Variants in PDCL2 observed in about 807,000 individuals in gnomAD.
PDCL2 encodes the protein phosducin-like protein 2.
PDCL2 carries 23 observed loss-of-function variants against 30.3 expected under a neutral mutation model. The ratio of observed to expected loss-of-function variants is 0.76; its 90% CI spans 0.55 to 1.08. The LOEUF (loss-of-function observed/expected upper bound fraction) is 1.08, where lower values mean the gene tolerates loss of function less well. Ranked by LOEUF, PDCL2 falls within the 50% of genes least tolerant of loss-of-function variation. The pLI is 0.00. For missense variants in PDCL2, 243 were observed against 282.3 expected (o/e 0.86, Z 1.00); for synonymous variants, 68 against 86.2 (o/e 0.79, Z 1.17).
At chr4:55,589,160 G>A (rs1732937969) in intron 1 of PDCL2, among the ~76,000 whole-genome samples, 1 of 152,080 alleles carries the variant, frequency 6.6e-6, no homozygotes, top group Admixed American at 6.6e-5. Context: ...CGCCCAGCCA[G>A]TACGGATGTT....
chr4:55,562,705 A>G lies in PDCL2; in HGVS notation c.363-93T>C, dbSNP rs1292792314. The G allele has an allele frequency of 7.7e-6, 6 of 777,694 alleles. No homozygotes were observed. In the East Asian group the frequency reaches 1.5e-4, roughly 20 times the overall value. 48.2% of individuals were successfully genotyped at this position (777,694 alleles called of 1,614,324 possible). ...TAAAATATCGCCATGGCAAAAATATATCTTAGATTAATATAAAAGCACATT... is the reference window on the plus strand; with the variant it reads ...TAAAATATCGCCATGGCAAAAATATGTCTTAGATTAATATAAAAGCACATT... On this transcript the variant is annotated intron_variant, in intron 4 of 5. Coordinates refer to ENST00000295645, the MANE Select transcript of PDCL2 (RefSeq NM_152401.3).
chr4:55,585,858 T>A lies in PDCL2; in HGVS notation c.7-3621A>T, dbSNP rs143721530. Among the ~76,000 whole-genome samples, 76 of 152,346 alleles carry A rather than the reference T, an allele frequency of 5.0e-4. No individual in the cohort carries two copies. The Middle Eastern group carries it at 0.01, about 20-fold the overall frequency. On this transcript the variant is annotated intron_variant, in intron 1 of 5. Transcript: ENST00000295645. The stretch of plus-strand genomic sequence containing the variant: ...AACTGTTCATATTAATGTCTTACAA[T>A]GCTTTGTATTTCTGTGGTATCAGCT...
At position 55,569,742 on chromosome 4, in the gene PDCL2, A is replaced by G; in HGVS notation, c.338T>C (p.Val113Ala). The change falls in exon 4 of 6, where the codon GTT (valine) becomes GCT (alanine). Residue 113 changes from valine (V) to alanine (A), a missense_variant. Val to Ala is a moderately conservative substitution (Grantham distance 64). Coordinates refer to ENST00000295645, the MANE Select transcript of PDCL2 (RefSeq NM_152401.3). ...CCTTGATCTGTATAGATGAATTATAACCCACACATCTTCTTCTGCATTTGT... is the reference window on the plus strand; with the variant it reads ...CCTTGATCTGTATAGATGAATTATAGCCCACACATCTTCTTCTGCATTTGT... ...EVTNAEEDVWVIIHLYRSSIP... is the reference protein window; with the variant it reads ...EVTNAEEDVWAIIHLYRSSIP... 3 of 1,558,936 alleles carry G rather than the reference A, an allele frequency of 1.9e-6. No individual in the cohort carries two copies. The highest frequency in any genetic ancestry group is 2.6e-6 in the Non-Finnish European group (3 of 1,150,706).
chr4:55,560,744 T>G (rs1294020226), intron 5 of PDCL2, among the ~76,000 whole-genome samples: 1 of 152,138 alleles, frequency 6.6e-6, no homozygotes, highest in Non-Finnish European at 1.5e-5. Flanking sequence ...GTGATGGTAT[T>G]AAGAGGTGGG....
At chr4:55,562,864 T>C (rs1319552694) in intron 4 of PDCL2, among the ~76,000 whole-genome samples, 1 of 148,266 alleles carries the variant, frequency 6.7e-6, no homozygotes, top group Non-Finnish European at 1.5e-5. Flanking sequence ...TTAGGGAAAC[T>C]ACATTCAACT....
At position 55,592,236 on chromosome 4, in the gene PDCL2, G is replaced by C; in HGVS notation, c.-127C>G. ...TCAGGCCCGGCGGTTTCGAGTGACC[G>C]CCAGAAGAGGGAGAGGCGAACAAGG... On this transcript the variant is annotated 5_prime_UTR_variant, in exon 1 of 6. Transcript: ENST00000295645. 8 of 1,363,888 alleles carry C rather than the reference G, an allele frequency of 5.9e-6. No individual in the cohort carries two copies. In the South Asian group the frequency reaches 1.0e-4, roughly 18 times the overall value. The allele number at this position is 1,363,888 out of a possible 1,614,324, so 84.5% of individuals were successfully genotyped here.
intron 1 of PDCL2, among the ~76,000 whole-genome samples, chr4:55,583,456 C>A (rs1297194520): frequency 6.6e-6 from 1 of 152,066 alleles, no homozygotes; most frequent in Non-Finnish European, 1.5e-5. Context: ...GTTGACTGAG[C>A]TTGGGGGATT....
At chr4:55,564,213 G>C (rs1282906262) in intron 4 of PDCL2, among the ~76,000 whole-genome samples, 1 of 152,206 alleles carries the variant, frequency 6.6e-6, no homozygotes, top group East Asian at 1.9e-4. Flanking sequence ...CTCAGTCAGT[G>C]GTACAACAGA....
chr4:55,579,606 C>T (rs74646452), intron 3 of PDCL2, among the ~76,000 whole-genome samples: 2,423 of 152,170 alleles, frequency 0.016, 25 homozygotes, highest in Non-Finnish European at 0.023. Flanking sequence ...TGTGGGTCAC[C>T]GCACCCTGCC....
intron 1 of PDCL2, among the ~76,000 whole-genome samples, chr4:55,588,827 C>T (rs1292182384): frequency 6.6e-6 from 1 of 150,444 alleles, no homozygotes; most frequent in Non-Finnish European, 1.5e-5. Context: ...CTATTCTACT[C>T]TATTTGTCTG....
At chr4:55,566,415 A>G (rs138526682) in intron 4 of PDCL2, among the ~76,000 whole-genome samples, 2 of 142,086 alleles carry the variant, frequency 1.4e-5, no homozygotes, top group Admixed American at 1.5e-4. Flanking sequence ...ACAGGAATGT[A>G]TTTTCCTTTT....
chr4:55,576,514 C>T (rs1332598136), intron 3 of PDCL2, among the ~76,000 whole-genome samples: 1 of 152,100 alleles, frequency 6.6e-6, no homozygotes, highest in African/African-American at 2.4e-5. Flanking sequence ...GTGACACTAA[C>T]AAATAAGGAG....
Position 55,562,385 on chromosome 4 carries a change from AC to A in PDCL2, c.571+18del, listed in dbSNP as rs1732155751. 1 of 1,378,708 alleles carries A rather than the reference AC, an allele frequency of 7.3e-7. No individual in the cohort carries two copies. The highest frequency in any genetic ancestry group is 2.3e-4 in the Middle Eastern group (1 of 4,402). The allele number at this position is 1,378,708 out of a possible 1,614,324, so 85.4% of individuals were successfully genotyped here. A position where few individuals can be genotyped will look rare whatever the true frequency, so the allele number is the denominator to read the frequency against. On this transcript the variant is annotated intron_variant, in intron 5 of 5. Coordinates refer to ENST00000295645, the MANE Select transcript of PDCL2 (RefSeq NM_152401.3). ...ATGTTTTCACCTATCATTTTTATAA[AC>A]AAAATTTGTAACATTACCTTCCAGC...
chr4:55,556,738 TA>T, intron 5 of PDCL2, 27 bp from the exon 6 acceptor site: 1 of 1,476,130 alleles, frequency 6.8e-7, no homozygotes, highest in Admixed American at 2.7e-5. Flanking sequence ...ATCATTCAGT[TA>T]AAAATCTTGA....
chr4:55,576,538 T>G (rs979202149), intron 3 of PDCL2, among the ~76,000 whole-genome samples: 5 of 152,248 alleles, frequency 3.3e-5, no homozygotes, highest in Non-Finnish European at 7.3e-5. Context: ...GATGGAGATG[T>G]GTTTACATGC....
At chr4:55,578,180 AGC>A (rs772697607) in intron 3 of PDCL2, among the ~76,000 whole-genome samples, 177 of 152,302 alleles carry the variant, frequency 1.2e-3, no homozygotes, top group Non-Finnish European at 2.2e-3. Context: ...ATTCTCTGAT[AGC>A]TGCCTGAGCC....
intron 2 of PDCL2, 68 bp from the exon 3 acceptor site, chr4:55,580,979 G>GA: frequency 9.0e-7 from 1 of 1,112,342 alleles, no homozygotes; most frequent in Non-Finnish European, 1.3e-6. Context: ...TCAATGTCTA[G>GA]AAAAAAACCG....
In PDCL2 at chr4:55,556,601, G is replaced by T. The variant is rs1731973269; in HGVS notation, c.682C>A (p.His228Asn). ...MVSSIRNTSI[H>N]DDSDSSNSDN... Reference sequence around the variant, plus strand: ...CTGTTGGAGCTATCACTGTCATCATGAATAGAAGTGTTTCTAATTGAAGAT... The same window carrying T: ...CTGTTGGAGCTATCACTGTCATCATTAATAGAAGTGTTTCTAATTGAAGAT... Residue 228 changes from histidine (H) to asparagine (N), a missense_variant, in exon 6 of 6, where the codon CAT (histidine) becomes AAT (asparagine). By Grantham distance (68) the His-to-Asn change is moderately conservative. Transcript: ENST00000295645. 1.3e-6 allele frequency: 2 copies of T among 1,573,808 alleles called. No individual in the cohort carries two copies. Among genetic ancestry groups the T allele is most frequent in the East Asian group, 4.6e-5 (2 of 43,928 alleles).
At chr4:55,577,931 C>T (rs775000572) in intron 3 of PDCL2, among the ~76,000 whole-genome samples, 3 of 152,004 alleles carry the variant, frequency 2.0e-5, no homozygotes, top group Non-Finnish European at 4.4e-5. Flanking sequence ...ATATTTGAAT[C>T]CTATAATGTG....
Sources: gnomAD v4.1 joint callset for allele counts (sites outside exome capture counted in the v4.1 genomes callset) on GRCh38, gnomAD v4.1.1 for gene constraint, MANE v1.5 for transcripts, NCBI Gene and HGNC (gene_info 2026-07-23, HGNC 2026-07-21) for gene names.